Variants in KCNJ12 observed in about 807,000 individuals in gnomAD.
KCNJ12 encodes the protein ATP-sensitive inward rectifier potassium channel 12.
KCNJ12 carries 2 observed loss-of-function variants against 22.3 expected under a neutral mutation model. The ratio of observed to expected loss-of-function variants is 0.09; its 90% CI spans 0.04 to 0.28. The LOEUF (loss-of-function observed/expected upper bound fraction) is 0.28. Among genes scored for constraint, KCNJ12 ranks in the 10% least tolerant of loss-of-function variants. The pLI is 1.00. For synonymous variants in KCNJ12, 117 were observed against 261.4 expected, an observed-to-expected ratio of 0.45 and a Z score of 5.33; for missense variants, 155 against 633.3, an observed-to-expected ratio of 0.24 and a Z score of 8.11.
chr17:21,387,862 G>A (rs1905116548), intron 1 of KCNJ12, among the ~76,000 whole-genome samples: 1 of 152,150 alleles, frequency 6.6e-6, no homozygotes, highest in Non-Finnish European at 1.5e-5. Context: ...TCTGGAAATG[G>A]CCTGTTTGCT....
Position 21,415,961 on chromosome 17 carries a change from G to C in KCNJ12, c.619G>C (p.Gly207Arg). The C allele has an allele frequency of 6.2e-7, 1 of 1,609,978 alleles. No homozygotes were observed. Among genetic ancestry groups the C allele is most frequent in the Non-Finnish European group, 8.5e-7 (1 of 1,178,938 alleles). Residue 207 changes from glycine to arginine, a missense_variant, in exon 3 of 3, where the codon GGC becomes CGC. Coordinates refer to ENST00000583088, the MANE Select transcript of KCNJ12 (RefSeq NM_021012.5). ...CAACGCCGTGGTGGCCCTGCGTGAC[G>C]GCAAGCTCTGCCTCATGTGGCGTGT... ...SHNAVVALRD[G>R]KLCLMWRVGN...
At chr17:21,389,758 T>G (rs1422512752) in intron 1 of KCNJ12, among the ~76,000 whole-genome samples, 1 of 152,068 alleles carries the variant, frequency 6.6e-6, no homozygotes, top group African/African-American at 2.4e-5. Context: ...CCAGCACCAG[T>G]GTTCAGCTCA....
intron 2 of KCNJ12, among the ~76,000 whole-genome samples, chr17:21,410,610 C>T (rs1169530222): frequency 2.0e-5 from 3 of 152,422 alleles, no homozygotes; most frequent in Middle Eastern, 3.4e-3. Context: ...GCCCTTGAAC[C>T]TGTGCTTTTG....
Position 21,419,328 on chromosome 17 carries a change from G to GTGTGTA in KCNJ12, c.*2685_*2686insGTGTAT, listed in dbSNP as rs1907020546. ...TGTGTGTGTGTGTGTGTGTGTGTGT[G>GTGTGTA]TATGCAGGCGGTTATGTGTCTGTCT... On this transcript the variant is annotated 3_prime_UTR_variant, in exon 3 of 3. Coordinates refer to ENST00000583088, the MANE Select transcript of KCNJ12 (RefSeq NM_021012.5). The GTGTGTA allele has an allele frequency of 6.1e-6, 1 of 163,964 alleles. No homozygotes were observed. Among genetic ancestry groups the GTGTGTA allele is most frequent in the African/African-American group, 2.6e-5 (1 of 39,126 alleles). 10.2% of individuals were successfully genotyped at this position (163,964 alleles called of 1,614,324 possible). A position where few individuals can be genotyped will look rare whatever the true frequency, so the allele number is the denominator to read the frequency against.
At chr17:21,381,562 A>G (rs1324448959) in intron 1 of KCNJ12, among the ~76,000 whole-genome samples, 3 of 151,850 alleles carry the variant, frequency 2.0e-5, no homozygotes, top group Non-Finnish European at 2.9e-5. Context: ...ACATGCTGCT[A>G]TCTCTGCCTG....
intron 1 of KCNJ12, among the ~76,000 whole-genome samples, chr17:21,381,667 C>G (rs1398393795): frequency 1.4e-4 from 22 of 152,212 alleles, no homozygotes; most frequent in Admixed American, 1.4e-3. Context: ...CCCTGATTCC[C>G]CTGTGGGACA....
At chr17:21,402,680 C>T (rs1479456216) in intron 1 of KCNJ12, among the ~76,000 whole-genome samples, 32 of 152,304 alleles carry the variant, frequency 2.1e-4, no homozygotes, top group Non-Finnish European at 3.2e-4. Context: ...GCCAGATTTA[C>T]AAAATAAAAG....
At chr17:21,399,176 C>T (rs1281024909) in intron 1 of KCNJ12, among the ~76,000 whole-genome samples, 2 of 152,216 alleles carry the variant, frequency 1.3e-5, no homozygotes, top group African/African-American at 4.8e-5. Context: ...ATGCCTGCTT[C>T]TGGCCTTGCA....
chr17:21,393,638 C>T (rs1555559583), intron 1 of KCNJ12, among the ~76,000 whole-genome samples: 1 of 152,228 alleles, frequency 6.6e-6, no homozygotes, highest in African/African-American at 2.4e-5. Context: ...TGGGGCTCCA[C>T]CTCATGGTTC....
intron 1 of KCNJ12, among the ~76,000 whole-genome samples, chr17:21,404,709 C>A (rs1905828910): frequency 6.6e-6 from 1 of 152,282 alleles, no homozygotes; most frequent in Non-Finnish European, 1.5e-5. Flanking sequence ...ACTGTAGGGC[C>A]TCTGTTCTCT....
intron 1 of KCNJ12, among the ~76,000 whole-genome samples, chr17:21,402,894 A>G (rs1299995538): frequency 6.6e-6 from 1 of 152,304 alleles, no homozygotes; most frequent in African/African-American, 2.4e-5. Flanking sequence ...GAGGCAGGAC[A>G]CCTGGGTGCT....
intron 2 of KCNJ12, among the ~76,000 whole-genome samples, chr17:21,414,716 G>C (rs1597584147): frequency 6.6e-6 from 1 of 152,312 alleles, no homozygotes; most frequent in African/African-American, 2.4e-5. Context: ...TTGCGGGAGG[G>C]TGTCCAGGGT....
At chr17:21,399,983 G>T (rs1905515163) in intron 1 of KCNJ12, among the ~76,000 whole-genome samples, 1 of 152,202 alleles carries the variant, frequency 6.6e-6, no homozygotes, top group South Asian at 2.1e-4. Flanking sequence ...GCAGTAAGAG[G>T]TCCGTGCAAA....
At chr17:21,377,559 C>T (rs1469295610) in intron 1 of KCNJ12, among the ~76,000 whole-genome samples, 1 of 152,108 alleles carries the variant, frequency 6.6e-6, no homozygotes, top group African/African-American at 2.4e-5. Context: ...GAGAAGCTCC[C>T]AGGGTTTCAG....
intron 1 of KCNJ12, among the ~76,000 whole-genome samples, chr17:21,394,364 C>T (rs75591790): frequency 0.05 from 7,579 of 152,260 alleles, 597 homozygotes; most frequent in African/African-American, 0.17. Flanking sequence ...GCAACAGGCT[C>T]CATCACACAA....
intron 1 of KCNJ12, among the ~76,000 whole-genome samples, chr17:21,383,807 G>A (rs1467456185): frequency 2.0e-5 from 3 of 152,198 alleles, no homozygotes; most frequent in Non-Finnish European, 2.9e-5. Context: ...GATGTGGCCT[G>A]CACAAGACCC....
In KCNJ12 at chr17:21,392,930, G is replaced by T. The variant is rs1045073224; in HGVS notation, c.-178-15589G>T. ...GTGTGGAGATGCACAGATGGTGAGG[G>T]TTAGGGAGGCTAGGGCAGGAAGATG... On this transcript the variant is annotated intron_variant, in intron 1 of 2. Coordinates refer to ENST00000583088, the MANE Select transcript of KCNJ12 (RefSeq NM_021012.5). Among the ~76,000 whole-genome samples, 9 of 152,292 alleles carry T rather than the reference G, an allele frequency of 5.9e-5. No homozygotes were observed. In the East Asian group the frequency reaches 1.5e-3, roughly 26 times the overall value.
chr17:21,399,292 C>T (rs184411337), intron 1 of KCNJ12, among the ~76,000 whole-genome samples: 36 of 152,294 alleles, frequency 2.4e-4, no homozygotes, highest in Admixed American at 1.8e-3. Flanking sequence ...CTTATTTCTT[C>T]GTCTTGGGGC....
intron 2 of KCNJ12, among the ~76,000 whole-genome samples, chr17:21,409,942 G>A (rs1906222780): frequency 6.6e-6 from 1 of 152,314 alleles, no homozygotes. Flanking sequence ...TCTCTGGTGG[G>A]GAGGTTTGGC....
Sources: allele counts gnomAD v4.1 joint callset (sites outside exome capture counted in the v4.1 genomes callset), GRCh38; gene constraint gnomAD v4.1.1; transcripts MANE v1.5; gene names NCBI Gene and HGNC (gene_info 2026-07-23, HGNC 2026-07-21).